The following CPPED1 variants were observed in gnomAD, a reference collection of about 807,000 sequenced individuals.
CPPED1 encodes the protein serine/threonine-protein phosphatase CPPED1.
A neutral mutation model predicts 28.0 loss-of-function variants in CPPED1; 28 were observed. The observed-to-expected ratio is 1.00, with a 90% CI of 0.74 to 1.37. CPPED1 has a LOEUF of 1.37. CPPED1 is among the 40% of genes most tolerant of loss of function. The pLI is 0.00. For synonymous variants in CPPED1, 198 were observed against 180.2 expected, an observed-to-expected ratio of 1.10 and a Z score of -0.79; for missense variants, 504 against 416.5, an observed-to-expected ratio of 1.21 and a Z score of -1.83.
chr16:12,718,222 T>G (rs560735659), intron 2 of CPPED1, among the ~76,000 whole-genome samples: 2 of 152,318 alleles, frequency 1.3e-5, no homozygotes, highest in African/African-American at 4.8e-5. Context: ...TGATGTGATA[T>G]CTATCACACT....
chr16:12,754,802 C>G (rs2080354369), intron 2 of CPPED1, among the ~76,000 whole-genome samples: 1 of 152,102 alleles, frequency 6.6e-6, no homozygotes, highest in African/African-American at 2.4e-5. Flanking sequence ...AGTTCGAGAC[C>G]AGCCTGGGCG....
intron 2 of CPPED1, among the ~76,000 whole-genome samples, chr16:12,762,964 C>T (rs1232860473): frequency 6.6e-6 from 1 of 152,040 alleles, no homozygotes; most frequent in Non-Finnish European, 1.5e-5. Flanking sequence ...CACGGTGGCT[C>T]ACGCCTGTAA....
chr16:12,695,889 A>T (rs959615620), intron 3 of CPPED1, among the ~76,000 whole-genome samples: 1 of 152,186 alleles, frequency 6.6e-6, no homozygotes, highest in African/African-American at 2.4e-5. Context: ...TGTGAACTTT[A>T]ATTTGTCTAA....
intron 2 of CPPED1, among the ~76,000 whole-genome samples, chr16:12,749,737 G>A (rs1383072440): frequency 1.3e-5 from 2 of 152,066 alleles, no homozygotes; most frequent in African/African-American, 2.4e-5. Flanking sequence ...ACAGGCATCC[G>A]CCACCATACC....
chr16:12,677,116 C>T (rs1043892141), intron 3 of CPPED1, among the ~76,000 whole-genome samples: 1 of 152,196 alleles, frequency 6.6e-6, no homozygotes, highest in Non-Finnish European at 1.5e-5. Flanking sequence ...CAGACTGGCA[C>T]CTGCTGGGCA....
intron 2 of CPPED1, among the ~76,000 whole-genome samples, chr16:12,765,281 G>C (rs767816498): frequency 3.9e-5 from 6 of 152,206 alleles, no homozygotes; most frequent in Non-Finnish European, 8.8e-5. Flanking sequence ...AACAGCTCAA[G>C]CTTCATCACG....
chr16:12,718,315 G>C (rs141272633), intron 2 of CPPED1, among the ~76,000 whole-genome samples: 3,400 of 152,254 alleles, frequency 0.022, 55 homozygotes, highest in East Asian at 0.1. Flanking sequence ...AAGGCGGGCG[G>C]ATCATTTGAG....
intron 2 of CPPED1, among the ~76,000 whole-genome samples, chr16:12,771,714 T>A (rs974172809): frequency 6.6e-6 from 1 of 152,246 alleles, no homozygotes; most frequent in Non-Finnish European, 1.5e-5. Flanking sequence ...TCCTGGATTG[T>A]GGAACCACAG....
At chr16:12,789,875 C>T (rs1030597157) in intron 1 of CPPED1, among the ~76,000 whole-genome samples, 1 of 152,148 alleles carries the variant, frequency 6.6e-6, no homozygotes, top group South Asian at 2.1e-4. Context: ...CTTTGAAACA[C>T]TTTTAAATGA....
chr16:12,715,331 G>C (rs1159145370), intron 2 of CPPED1, among the ~76,000 whole-genome samples: 1 of 152,110 alleles, frequency 6.6e-6, no homozygotes, highest in African/African-American at 2.4e-5. Context: ...GTGTAATCAA[G>C]GAGAAATAAG....
At chr16:12,735,672 T>G (rs988140521) in intron 2 of CPPED1, among the ~76,000 whole-genome samples, 5 of 152,226 alleles carry the variant, frequency 3.3e-5, no homozygotes, top group African/African-American at 1.2e-4. Context: ...AGGATTGTTA[T>G]GAAGATTCAG....
At chr16:12,669,395 T>C (rs573371079) in intron 3 of CPPED1, among the ~76,000 whole-genome samples, 1 of 152,262 alleles carries the variant, frequency 6.6e-6, no homozygotes, top group African/African-American at 2.4e-5. Flanking sequence ...TGGTCTGCAA[T>C]TAGATCACGG....
intron 2 of CPPED1, among the ~76,000 whole-genome samples, chr16:12,737,512 G>C (rs550647214): frequency 1.3e-5 from 2 of 152,330 alleles, no homozygotes; most frequent in East Asian, 3.9e-4. Context: ...GATTCTCAGA[G>C]CAACCGGCAG....
chr16:12,681,997 G>A (rs371408453), intron 3 of CPPED1, among the ~76,000 whole-genome samples: 1 of 151,974 alleles, frequency 6.6e-6, no homozygotes, highest in Non-Finnish European at 1.5e-5. Flanking sequence ...TCCTGGACTC[G>A]AGGATTAGTT....
At chr16:12,803,677 T>TC (rs982831775) in intron 1 of CPPED1, 30 bp downstream of exon 1, 2 of 1,473,298 alleles carry the variant, frequency 1.4e-6, no homozygotes, top group Non-Finnish European at 9.0e-7. Flanking sequence ...AGCCCCAGAG[T>TC]CCCCTCCCCG....
At chr16:12,735,638 G>T (rs554370919) in intron 2 of CPPED1, among the ~76,000 whole-genome samples, 4 of 152,166 alleles carry the variant, frequency 2.6e-5, no homozygotes, top group Non-Finnish European at 4.4e-5. Context: ...GTAACAATAT[G>T]TATAACTATA....
At position 12,704,969 on chromosome 16, in the gene CPPED1, C is replaced by A; in HGVS notation, c.370G>T (p.Val124Phe). 6.2e-7 allele frequency: 1 copy of A among 1,614,226 alleles called. No individual in the cohort carries two copies. Among genetic ancestry groups the A allele is most frequent in the Non-Finnish European group, 8.5e-7 (1 of 1,180,046 alleles). The stretch of plus-strand genomic sequence containing the variant: ...TTGCCAATGTCATGGTTGCCGCTGA[C>A]AAGGACCAGTGGGATGGCCCTGTCC... The part of the protein sequence containing the change: ...AVDRAIPLVL[V>F]SGNHDIGNTP... Residue 124 changes from valine to phenylalanine, a missense_variant, in exon 3 of 4, where the codon GTC becomes TTC. Physicochemically the swap from Val to Phe is conservative, Grantham distance 50. Transcript: ENST00000381774.
At position 12,783,640 on chromosome 16, in the gene CPPED1, C is replaced by T. The variant is rs2080545720; in HGVS notation, c.71-2237G>A. ...TAAATTCCATGGCCACTTTCCCACC[C>T]ATCACACTGAGCTCACTATCACCTT... On this transcript the variant is annotated intron_variant, in intron 1 of 3. Coordinates refer to ENST00000381774, the MANE Select transcript of CPPED1 (RefSeq NM_018340.3). 2.0e-5 allele frequency among the ~76,000 whole-genome samples: 3 copies of T among 152,218 alleles called. No homozygotes were observed. The South Asian group carries it at 6.2e-4, about 32-fold the overall frequency.
chr16:12,737,894 G>A (rs961793017), intron 2 of CPPED1, among the ~76,000 whole-genome samples: 1 of 152,144 alleles, frequency 6.6e-6, no homozygotes, highest in Non-Finnish European at 1.5e-5. Context: ...ACCCCTGCCT[G>A]CAAAACCGAG....
Sources: gnomAD v4.1 joint callset for allele counts (sites outside exome capture counted in the v4.1 genomes callset) on GRCh38, gnomAD v4.1.1 for gene constraint, MANE v1.5 for transcripts, NCBI Gene and HGNC (gene_info 2026-07-23, HGNC 2026-07-21) for gene names.